Variants in SLC44A5 observed in about 807,000 individuals in gnomAD.
SLC44A5 encodes solute carrier family 44 member 5.
A neutral mutation model predicts 101.8 loss-of-function variants in SLC44A5; 57 were observed. That is an observed-to-expected ratio of 0.56 (90% CI 0.45 to 0.70). SLC44A5 has a LOEUF of 0.70. SLC44A5 is among the 30% of genes least tolerant of loss of function. The pLI, the probability that SLC44A5 is intolerant of heterozygous loss-of-function variation, is 0.00. For missense variants in SLC44A5, 737 were observed against 853.1 expected (o/e 0.86, Z 1.70); for synonymous variants, 281 against 290.9 (o/e 0.97, Z 0.35).
At chr1:75,534,324 A>T (rs1670883836) in intron 2 of SLC44A5, among the ~76,000 whole-genome samples, 1 of 152,122 alleles carries the variant, frequency 6.6e-6, no homozygotes, top group Admixed American at 6.5e-5. Context: ...AGGTACATAC[A>T]TGGTCATACA....
At chr1:75,497,157 T>C (rs1326314965) in intron 2 of SLC44A5, among the ~76,000 whole-genome samples, 1 of 152,102 alleles carries the variant, frequency 6.6e-6, no homozygotes, top group Non-Finnish European at 1.5e-5. Flanking sequence ...GGCAATGATA[T>C]CAATATGTCA....
the SLC44A5 span, among the ~76,000 whole-genome samples, chr1:75,629,662 G>A: frequency 1.3e-5 from 2 of 151,598 alleles, no homozygotes; most frequent in Admixed American, 1.3e-4. Flanking sequence ...TAAAAAGAAG[G>A]GACACAATAA....
chr1:75,703,446 G>T, the SLC44A5 span, among the ~76,000 whole-genome samples: 16 of 151,828 alleles, frequency 1.1e-4, no homozygotes, highest in South Asian at 1.2e-3. Flanking sequence ...TCACTCATAG[G>T]TGGGAATTGA....
At chr1:75,582,345 A>C in intron 1 of SLC44A5, 3 of 1,224,076 alleles carry the variant, frequency 2.5e-6, no homozygotes, top group Non-Finnish European at 3.5e-6. Context: ...GTTAAGCCCA[A>C]GATCCCAAAG....
intron 3 of SLC44A5, among the ~76,000 whole-genome samples, chr1:75,371,313 C>G (rs759451560): frequency 1.3e-5 from 2 of 152,360 alleles, no homozygotes; most frequent in South Asian, 4.1e-4. Context: ...TACTTAACTT[C>G]TCTATGCCTC....
intron 2 of SLC44A5, among the ~76,000 whole-genome samples, chr1:75,400,997 G>A (rs1662443172): frequency 6.6e-6 from 1 of 152,180 alleles, no homozygotes; most frequent in South Asian, 2.1e-4. Context: ...AACTGCTCTT[G>A]TAAGGTGAGC....
chr1:75,643,229 T>C, the SLC44A5 span, among the ~76,000 whole-genome samples: 1 of 152,156 alleles, frequency 6.6e-6, no homozygotes, highest in African/African-American at 2.4e-5. Context: ...CATATTTGTC[T>C]GATGAACTGT....
chr1:75,271,927 C>A (rs540607858), intron 6 of SLC44A5, among the ~76,000 whole-genome samples: 2 of 152,132 alleles, frequency 1.3e-5, no homozygotes, highest in African/African-American at 4.8e-5. Context: ...ATTTACATTC[C>A]CACCAGCTAT....
chr1:75,271,497 T>TTGTATG (rs1553152607), intron 6 of SLC44A5, among the ~76,000 whole-genome samples: 2 of 146,304 alleles, frequency 1.4e-5, no homozygotes, highest in Non-Finnish European at 3.0e-5. Flanking sequence ...TCTGCATGTT[T>TTGTATG]TGTGTGTGTG....
chr1:75,620,393 C>T, the SLC44A5 span, among the ~76,000 whole-genome samples: 798 of 152,244 alleles, frequency 5.2e-3, 4 homozygotes, highest in Middle Eastern at 0.01. Flanking sequence ...ATTCTAGATC[C>T]TTGAGGAATC....
chr1:75,608,354 G>T (rs1377378127), intron 1 of SLC44A5, among the ~76,000 whole-genome samples: 1 of 151,402 alleles, frequency 6.6e-6, no homozygotes, highest in Non-Finnish European at 1.5e-5. Flanking sequence ...TGTGTGTGTT[G>T]TGTGTGTACA....
intron 4 of SLC44A5, 116 bp downstream of exon 4, chr1:75,339,466 T>C: frequency 1.3e-6 from 1 of 745,628 alleles, no homozygotes; most frequent in South Asian, 2.1e-5. Context: ...AAATATATCA[T>C]TTTCCCCTCA....
chr1:75,670,669 G>A, the SLC44A5 span, among the ~76,000 whole-genome samples: 1 of 152,156 alleles, frequency 6.6e-6, no homozygotes, highest in African/African-American at 2.4e-5. Flanking sequence ...ATACAGAATT[G>A]GGGAAGAAGA....
intron 1 of SLC44A5, among the ~76,000 whole-genome samples, chr1:75,600,665 T>C (rs1674921649): frequency 6.6e-6 from 1 of 152,192 alleles, no homozygotes; most frequent in Non-Finnish European, 1.5e-5. Flanking sequence ...AAGATTATGA[T>C]ATTGTATTTT....
chr1:75,606,254 A>G (rs1187494005), intron 1 of SLC44A5, among the ~76,000 whole-genome samples: 5 of 151,894 alleles, frequency 3.3e-5, no homozygotes, highest in African/African-American at 4.8e-5. Flanking sequence ...CCATTTCTAT[A>G]CCTCTCTTAA....
At chr1:75,396,227 G>A (rs1274284336) in intron 3 of SLC44A5, among the ~76,000 whole-genome samples, 1 of 152,164 alleles carries the variant, frequency 6.6e-6, no homozygotes, top group African/African-American at 2.4e-5. Context: ...GAAAGCTGGA[G>A]AGTGAAGGTG....
the SLC44A5 span, among the ~76,000 whole-genome samples, chr1:75,715,705 C>G: frequency 3.3e-5 from 5 of 152,066 alleles, no homozygotes; most frequent in East Asian, 7.7e-4. Flanking sequence ...GGAACATAAC[C>G]TAGGAAATAC....
intron 5 of SLC44A5, among the ~76,000 whole-genome samples, chr1:75,280,849 C>T (rs990006365): frequency 6.6e-6 from 1 of 152,016 alleles, no homozygotes; most frequent in Non-Finnish European, 1.5e-5. Context: ...GAGACCTCCC[C>T]AGTCATGCTG....
chr1:75,485,363 T>A (rs758460440), intron 2 of SLC44A5, among the ~76,000 whole-genome samples: 1 of 152,240 alleles, frequency 6.6e-6, no homozygotes, highest in South Asian at 2.1e-4. Flanking sequence ...CAAAGTTCCA[T>A]GTCTAGGATC....
Sources: allele counts gnomAD v4.1 joint callset (sites outside exome capture counted in the v4.1 genomes callset), GRCh38; gene constraint gnomAD v4.1.1; transcripts MANE v1.5; gene names NCBI Gene and HGNC (gene_info 2026-07-23, HGNC 2026-07-21).